Variants in TSR1 observed in about 807,000 individuals in gnomAD.
TSR1 encodes pre-rRNA-processing protein TSR1 homolog.
Under a neutral mutation model 90.9 loss-of-function variants are expected in TSR1, and 81 were observed. The ratio of observed to expected loss-of-function variants is 0.89; its 90% CI spans 0.74 to 1.07. TSR1 has a LOEUF of 1.07. TSR1 is among the 50% of genes least tolerant of loss of function. The pLI is 0.00. For synonymous variants in TSR1, 362 were observed against 348.8 expected (o/e 1.04, Z -0.42); for missense variants, 989 against 987.3 (o/e 1.00, Z -0.02).
Position 2,325,328 on chromosome 17 carries a change from G to A in TSR1, c.1996C>T (p.Leu666=). ...CCATTGCTTTTTTGCTTGAAAAGCA[G>A]CACAGATGCAGGAGGAAAAGTGATT... is the stretch of plus-strand genomic sequence containing the variant. ...APITFPPASV[L]LFKQKSNGMH... is the part of the protein sequence containing the mutation. Residue 666 remains leucine (L), a synonymous_variant, in exon 12 of 15, where the codon CTG becomes TTG. Transcript: ENST00000301364. 1 of 1,612,922 alleles carries A rather than the reference G, an allele frequency of 6.2e-7. No individual in the cohort carries two copies. Among genetic ancestry groups the A allele is most frequent in the Non-Finnish European group, 8.5e-7 (1 of 1,179,778 alleles).
At position 2,323,210 on chromosome 17, in the gene TSR1, G is replaced by C; in HGVS notation, c.*986C>G. The C allele has an allele frequency of 6.2e-7, 1 of 1,614,214 alleles. No individual in the cohort carries two copies. The highest frequency in any genetic ancestry group is 8.5e-7 in the Non-Finnish European group (1 of 1,180,036). On this transcript the variant is annotated 3_prime_UTR_variant, in exon 15 of 15. Transcript: ENST00000301364. ...ATGACTGCTACCAGTCCAAGCTGAA[G>C]GGGAAACTGATGCCCAATCTTTATC...
chr17:2,329,610 G>C lies in TSR1; in HGVS notation c.1771-135C>G, dbSNP rs2075593999. 4 of 1,101,114 alleles carry C rather than the reference G, an allele frequency of 3.6e-6. No homozygotes were observed. In the Admixed American group the frequency reaches 9.6e-5, roughly 27 times the overall value. 68.2% of individuals were successfully genotyped at this position (1,101,114 alleles called of 1,614,324 possible). On this transcript the variant is annotated intron_variant, in intron 10 of 14. Coordinates refer to ENST00000301364, the MANE Select transcript of TSR1 (RefSeq NM_018128.5). ...CAATGCTAATTAATGGTGGAGTGTAGATGCTGAAACACGGGTTCATCCTTT... is the reference window on the plus strand; with the variant it reads ...CAATGCTAATTAATGGTGGAGTGTACATGCTGAAACACGGGTTCATCCTTT...
At chr17:2,336,245 C>G (rs1211338807) in intron 1 of TSR1, 86 bp downstream of exon 1, 1 of 1,602,630 alleles carries the variant, frequency 6.2e-7, no homozygotes, top group South Asian at 1.1e-5. Flanking sequence ...GGAGCCCAGA[C>G]GGGAGACAGA....
chr17:2,335,204 T>C, intron 4 of TSR1, 56 bp downstream of exon 4: 1 of 1,557,008 alleles, frequency 6.4e-7, no homozygotes, highest in Non-Finnish European at 8.8e-7. Context: ...CTGTATCAAA[T>C]ACCAGGCATA....
In TSR1 at chr17:2,323,854, A is replaced by T. The variant is rs2075556160; in HGVS notation, c.*342T>A. Reference sequence around the variant, plus strand: ...AAGCAGGCTGAAAGGCCAGCTTCTTATCAGTCTGTTTCTGTTTAATTTACA... The same window carrying T: ...AAGCAGGCTGAAAGGCCAGCTTCTTTTCAGTCTGTTTCTGTTTAATTTACA... On this transcript the variant is annotated 3_prime_UTR_variant, in exon 15 of 15. Coordinates refer to ENST00000301364, the MANE Select transcript of TSR1 (RefSeq NM_018128.5). 2 of 1,614,084 alleles carry T rather than the reference A, an allele frequency of 1.2e-6. No individual in the cohort carries two copies. The highest frequency in any genetic ancestry group is 1.7e-6 in the Non-Finnish European group (2 of 1,179,968).
At chr17:2,330,882 G>C in intron 9 of TSR1, 65 bp downstream of exon 9, 2 of 1,512,060 alleles carry the variant, frequency 1.3e-6, no homozygotes, top group South Asian at 2.7e-5. Context: ...CCAAGAGAAG[G>C]AATAAAGTAG....
intron 2 of TSR1, 137 bp from the exon 3 acceptor site, chr17:2,335,867 G>T (rs1293900309): frequency 8.0e-7 from 1 of 1,257,572 alleles, no homozygotes; most frequent in Non-Finnish European, 1.1e-6. Context: ...TGCCAGCGGG[G>T]TGGCAGGAAT....
At chr17:2,335,108 G>A (rs2064042975) in intron 4 of TSR1, 152 bp downstream of exon 4, 1 of 1,057,888 alleles carries the variant, frequency 9.5e-7, no homozygotes, top group Non-Finnish European at 1.3e-6. Context: ...AAGACACCCT[G>A]AGTGATAATC....
intron 6 of TSR1, 179 bp from the exon 7 acceptor site, chr17:2,333,303 G>T: frequency 2.3e-6 from 2 of 862,892 alleles, no homozygotes; most frequent in Non-Finnish European, 3.8e-6. Flanking sequence ...TACTTACACA[G>T]CTAAATAAGC....
chr17:2,325,123 TC>T, intron 12 of TSR1, 180 bp downstream of exon 12: 1 of 605,594 alleles, frequency 1.7e-6, no homozygotes. Context: ...ATACACTGTT[TC>T]ACGTAAAAGT....
chr17:2,332,436 A>G, intron 7 of TSR1, 77 bp from the exon 8 acceptor site: 1 of 1,258,058 alleles, frequency 7.9e-7, no homozygotes, highest in African/African-American at 1.5e-5. Context: ...GCTAAGAGTA[A>G]AATAATTGTA....
At chr17:2,325,160 A>G in intron 12 of TSR1, 144 bp downstream of exon 12, 1 of 673,714 alleles carries the variant, frequency 1.5e-6, no homozygotes, top group Non-Finnish European at 2.5e-6. Context: ...TCTATTAACA[A>G]TGTTAAATGA....
intron 8 of TSR1, among the ~76,000 whole-genome samples, chr17:2,331,408 G>T (rs560429050): frequency 2.3e-4 from 35 of 152,336 alleles, no homozygotes; most frequent in Non-Finnish European, 4.4e-4. Context: ...TGGAGGTGGA[G>T]CCTGGTGGGA....
At chr17:2,329,599 G>T (rs2075593932) in intron 10 of TSR1, 124 bp from the exon 11 acceptor site, 1 of 1,205,856 alleles carries the variant, frequency 8.3e-7, no homozygotes, top group African/African-American at 1.5e-5. Context: ...GCTAATTAAT[G>T]GTGGAGTGTA....
chr17:2,330,884 A>T (rs1484719776), intron 9 of TSR1, 63 bp downstream of exon 9: 21 of 1,516,712 alleles, frequency 1.4e-5, no homozygotes, highest in Non-Finnish European at 1.9e-5. Flanking sequence ...AAGAGAAGGA[A>T]TAAAGTAGGG....
chr17:2,333,704 C>T lies in TSR1; in HGVS notation c.994G>A (p.Asp332Asn), dbSNP rs1418317019. 4 of 1,613,952 alleles carry T rather than the reference C, an allele frequency of 2.5e-6. No homozygotes were observed. The highest frequency in any genetic ancestry group is 3.4e-6 in the Non-Finnish European group (4 of 1,180,018). Reference sequence around the variant, plus strand: ...CCTTCTTCCATATCATCTACAGCATCCGTAGCACAAATCTGAAAACCAAAA... The same window carrying T: ...CCTTCTTCCATATCATCTACAGCATTCGTAGCACAAATCTGAAAACCAAAA... ...PDMAMEICAT[D>N]AVDDMEEGLK... Residue 332 changes from aspartate (D) to asparagine (N), a missense_variant, in exon 6 of 15, where the codon GAT becomes AAT. Transcript: ENST00000301364.
In TSR1 at chr17:2,333,725, C is replaced by A. The variant is rs1245696778; in HGVS notation, c.982-9G>T. On this transcript the variant is annotated splice_polypyrimidine_tract_variant and intron_variant, in intron 5 of 14. Coordinates refer to ENST00000301364, the MANE Select transcript of TSR1 (RefSeq NM_018128.5). ...GCATCCGTAGCACAAATCTGAAAACCAAAAGCAGGTGATAGTCAACCATGA... is the reference window on the plus strand; with the variant it reads ...GCATCCGTAGCACAAATCTGAAAACAAAAAGCAGGTGATAGTCAACCATGA... The A allele has an allele frequency of 6.2e-7, 1 of 1,613,788 alleles. No homozygotes were observed. The highest frequency in any genetic ancestry group is 2.2e-5 in the East Asian group (1 of 44,884).
chr17:2,328,457 G>A (rs540901673), intron 11 of TSR1, among the ~76,000 whole-genome samples: 2 of 151,746 alleles, frequency 1.3e-5, no homozygotes, highest in South Asian at 2.1e-4. Context: ...GGTCGTGCAT[G>A]CCTGTAGTCC....
At chr17:2,325,676 G>C (rs951842249) in intron 11 of TSR1, among the ~76,000 whole-genome samples, 13 of 151,284 alleles carry the variant, frequency 8.6e-5, no homozygotes, top group African/African-American at 3.2e-4. Flanking sequence ...GCAATGGTGT[G>C]ATCTCAGCTG....
Sources: allele counts gnomAD v4.1 joint callset (sites outside exome capture counted in the v4.1 genomes callset), GRCh38; gene constraint gnomAD v4.1.1; transcripts MANE v1.5; gene names NCBI Gene and HGNC (gene_info 2026-07-23, HGNC 2026-07-21).